The following STK32A variants were observed in gnomAD, a reference collection of about 807,000 sequenced individuals.
STK32A encodes serine/threonine-protein kinase 32A.
STK32A carries 41 observed loss-of-function variants against 53.2 expected under a neutral mutation model. The ratio of observed to expected loss-of-function variants is 0.77; its 90% CI spans 0.60 to 1.00. The LOEUF (loss-of-function observed/expected upper bound fraction) is 1.00, where lower values mean the gene tolerates loss of function less well. Among genes scored for constraint, STK32A ranks in the 50% least tolerant of loss-of-function variants. STK32A has a pLI of 0.00. For synonymous variants in STK32A, 166 were observed against 162.8 expected, an observed-to-expected ratio of 1.02 and a Z score of -0.15; for missense variants, 458 against 485.8, an observed-to-expected ratio of 0.94 and a Z score of 0.54.
intron 1 of STK32A, among the ~76,000 whole-genome samples, chr5:147,238,843 A>T (rs1753441410): frequency 6.6e-6 from 1 of 151,876 alleles, no homozygotes; most frequent in African/African-American, 2.4e-5. Flanking sequence ...GTATATAAAC[A>T]TAATATATAC....
chr5:147,389,965 G>A (rs556909778), downstream of STK32A, among the ~76,000 whole-genome samples: 1 of 152,188 alleles, frequency 6.6e-6, no homozygotes, highest in Non-Finnish European at 1.5e-5. Context: ...TGATGTCAGG[G>A]TCTAGCACTT....
At chr5:147,268,371 G>T (rs1155389) in intron 2 of STK32A, among the ~76,000 whole-genome samples, 89,113 of 151,464 alleles carry the variant, frequency 0.59, 26,541 homozygotes, top group African/African-American at 0.67. Flanking sequence ...GACTAGGTTG[G>T]CTTTTCCTGC....
At chr5:147,364,702 GGA>G (rs1056097157) in intron 8 of STK32A, among the ~76,000 whole-genome samples, 11 of 152,030 alleles carry the variant, frequency 7.2e-5, no homozygotes, top group South Asian at 4.2e-4. Context: ...CTCACATGAC[GGA>G]GAGAGAGATA....
chr5:147,401,477 C>T, the STK32A span: 2 of 1,519,148 alleles, frequency 1.3e-6, no homozygotes, highest in Admixed American at 2.1e-5. Flanking sequence ...CTGTCCTCAA[C>T]CCCCAGCTGG....
At chr5:147,322,165 G>T (rs1221975507) in intron 4 of STK32A, among the ~76,000 whole-genome samples, 2 of 152,128 alleles carry the variant, frequency 1.3e-5, no homozygotes, top group Admixed American at 6.5e-5. Context: ...TACACCAATG[G>T]CAGAGATGAC....
chr5:147,388,204 C>G (rs1344240658), downstream of STK32A, among the ~76,000 whole-genome samples: 1 of 152,196 alleles, frequency 6.6e-6, no homozygotes, highest in Non-Finnish European at 1.5e-5. Context: ...CTTCCTACCC[C>G]TCAACATCCG....
intron 5 of STK32A, among the ~76,000 whole-genome samples, chr5:147,341,657 T>C (rs536565758): frequency 6.6e-5 from 10 of 152,276 alleles, no homozygotes; most frequent in Admixed American, 6.5e-4. Flanking sequence ...AGAATTTTTT[T>C]TTTTAGGATG....
intron 8 of STK32A, among the ~76,000 whole-genome samples, chr5:147,367,175 C>T (rs1013581170): frequency 4.6e-5 from 7 of 151,894 alleles, no homozygotes; most frequent in Admixed American, 4.6e-4. Flanking sequence ...AATCAACCCT[C>T]CCGCCTGAGC....
At chr5:147,268,989 G>T (rs1458160109) in intron 2 of STK32A, among the ~76,000 whole-genome samples, 1 of 152,184 alleles carries the variant, frequency 6.6e-6, no homozygotes, top group Non-Finnish European at 1.5e-5. Context: ...TTAATAGAAT[G>T]CAGTAAAGAA....
intron 2 of STK32A, among the ~76,000 whole-genome samples, chr5:147,277,112 A>C (rs142521726): frequency 1.3e-5 from 2 of 152,342 alleles, no homozygotes; most frequent in East Asian, 3.9e-4. Flanking sequence ...TTATCTAATT[A>C]TTCTAGATAA....
chr5:147,368,295 C>A (rs1372842091), intron 8 of STK32A, among the ~76,000 whole-genome samples: 4 of 152,260 alleles, frequency 2.6e-5, no homozygotes, highest in Non-Finnish European at 5.9e-5. Flanking sequence ...ATATTCACAA[C>A]ACATCATTTG....
At chr5:147,368,080 T>C (rs865940806) in intron 8 of STK32A, among the ~76,000 whole-genome samples, 3 of 152,270 alleles carry the variant, frequency 2.0e-5, no homozygotes, top group Non-Finnish European at 2.9e-5. Context: ...TCAGTCTTAA[T>C]GAATGTGTCC....
At chr5:147,331,291 G>A (rs993466447) in intron 5 of STK32A, among the ~76,000 whole-genome samples, 20 of 152,010 alleles carry the variant, frequency 1.3e-4, no homozygotes, top group Admixed American at 5.2e-4. Context: ...CAAGAACTGC[G>A]TACTGTGCTA....
At chr5:147,341,670 A>T (rs967829102) in intron 5 of STK32A, among the ~76,000 whole-genome samples, 20 of 151,984 alleles carry the variant, frequency 1.3e-4, no homozygotes, top group Non-Finnish European at 1.8e-4. Flanking sequence ...TTAGGATGTT[A>T]TAAGGCCTAT....
intron 7 of STK32A, among the ~76,000 whole-genome samples, chr5:147,355,443 G>T (rs1756171975): frequency 6.6e-6 from 1 of 152,086 alleles, no homozygotes; most frequent in South Asian, 2.1e-4. Context: ...GGAGGCCGAG[G>T]CGGGCAGATC....
intron 8 of STK32A, among the ~76,000 whole-genome samples, chr5:147,369,484 A>G (rs1756913280): frequency 6.6e-6 from 1 of 152,182 alleles, no homozygotes; most frequent in South Asian, 2.1e-4. Context: ...AGAAATTTAC[A>G]CATATTATCT....
At position 147,370,688 on chromosome 5, in the gene STK32A, A is replaced by T; in HGVS notation, c.695A>T (p.Lys232Met). The change falls in exon 9 of 13, where the codon AAG becomes ATG. Residue 232 changes from lysine (K) to methionine (M), a missense_variant. Transcript: ENST00000397936. ...PYHIRSSTSS[K>M]EIVHTFETTV... is the part of the protein sequence containing the mutation. ...CATATTCGCTCCAGTACTTCCAGCA[A>T]GGAAATTGTACACACGTTTGAGACG... is the stretch of plus-strand genomic sequence containing the variant. The T allele has an allele frequency of 1.2e-6, 2 of 1,612,494 alleles. No individual in the cohort carries two copies. The highest frequency in any genetic ancestry group is 1.7e-6 in the Non-Finnish European group (2 of 1,178,754).
intron 11 of STK32A, among the ~76,000 whole-genome samples, chr5:147,378,689 G>A (rs12659020): frequency 0.21 from 31,565 of 151,660 alleles, 4,098 homozygotes; most frequent in East Asian, 0.56. Flanking sequence ...GCCTGGAAAA[G>A]GAGCTCTCTA....
intron 6 of STK32A, among the ~76,000 whole-genome samples, chr5:147,344,710 G>T (rs533079430): frequency 1.3e-5 from 2 of 152,312 alleles, no homozygotes; most frequent in East Asian, 3.9e-4. Context: ...ACAGCTTCCT[G>T]ACAGCACATG....
Sources: gnomAD v4.1 joint callset for allele counts (sites outside exome capture counted in the v4.1 genomes callset) on GRCh38, gnomAD v4.1.1 for gene constraint, MANE v1.5 for transcripts, NCBI Gene and HGNC (gene_info 2026-07-23, HGNC 2026-07-21) for gene names.